Variants in PPP2R2B observed in about 807,000 individuals in gnomAD.
PPP2R2B encodes serine/threonine-protein phosphatase 2A 55 kDa regulatory subunit B beta isoform.
Under a neutral mutation model 46.0 loss-of-function variants are expected in PPP2R2B, and 5 were observed. The observed-to-expected ratio is 0.11, with a 90% CI of 0.06 to 0.23. PPP2R2B has a LOEUF of 0.23. Ranked by LOEUF, PPP2R2B falls within the 10% of genes least tolerant of loss-of-function variation. The probability of loss-of-function intolerance (pLI) is 1.00; values close to 1 mark genes in which losing one functional copy is unlikely to be tolerated. For missense variants in PPP2R2B, 367 were observed against 575.0 expected (o/e 0.64, Z 3.70); for synonymous variants, 215 against 206.7 (o/e 1.04, Z -0.34).
At chr5:146,747,937 C>A (rs944928022) in intron 2 of PPP2R2B, among the ~76,000 whole-genome samples, 1 of 152,020 alleles carries the variant, frequency 6.6e-6, no homozygotes, top group African/African-American at 2.4e-5. Flanking sequence ...ACTTGGGGAA[C>A]CTCTGTTCTA....
At chr5:146,690,320 A>G (rs932940648) in intron 5 of PPP2R2B, among the ~76,000 whole-genome samples, 3 of 152,224 alleles carry the variant, frequency 2.0e-5, no homozygotes, top group African/African-American at 7.2e-5. Context: ...GATCGCTTTG[A>G]GAAATCCGTT....
At chr5:146,984,367 T>C (rs1337695726) in intron 1 of PPP2R2B, among the ~76,000 whole-genome samples, 1 of 152,214 alleles carries the variant, frequency 6.6e-6, no homozygotes, top group African/African-American at 2.4e-5. Context: ...CTTATTTGAC[T>C]TAGCATAATG....
chr5:146,872,045 T>C (rs987485189), intron 2 of PPP2R2B, among the ~76,000 whole-genome samples: 1 of 152,180 alleles, frequency 6.6e-6, no homozygotes, highest in African/African-American at 2.4e-5. Flanking sequence ...TCTTCTTAAA[T>C]GCAAACGCCA....
At chr5:147,049,630 C>G (rs780966860) in intron 1 of PPP2R2B, among the ~76,000 whole-genome samples, 9 of 152,124 alleles carry the variant, frequency 5.9e-5, no homozygotes, top group Non-Finnish European at 1.2e-4. Flanking sequence ...AAGGAAGCAG[C>G]AGGGAGTCTG....
intron 9 of PPP2R2B, among the ~76,000 whole-genome samples, chr5:146,591,640 G>C (rs1304633661): frequency 7.6e-6 from 1 of 131,736 alleles, no homozygotes; most frequent in Non-Finnish European, 1.6e-5. Context: ...ACCATGACCC[G>C]ACTTATTTTT....
intron 5 of PPP2R2B, among the ~76,000 whole-genome samples, chr5:146,687,602 C>A (rs1209912217): frequency 6.6e-6 from 1 of 152,118 alleles, no homozygotes. Context: ...AGAAATGGTA[C>A]AACTGTAAGG....
chr5:146,954,003 T>C (rs1423772700), intron 1 of PPP2R2B, among the ~76,000 whole-genome samples: 1 of 152,176 alleles, frequency 6.6e-6, no homozygotes, highest in African/African-American at 2.4e-5. Context: ...TATCTACCAA[T>C]TGGTATCTGT....
At chr5:146,744,463 A>G (rs1311798213) in intron 2 of PPP2R2B, among the ~76,000 whole-genome samples, 1 of 152,202 alleles carries the variant, frequency 6.6e-6, no homozygotes, top group Non-Finnish European at 1.5e-5. Flanking sequence ...TCCAGTGACA[A>G]CACACAGGCT....
intron 1 of PPP2R2B, among the ~76,000 whole-genome samples, chr5:146,981,757 CT>C (rs1753189469): frequency 6.6e-6 from 1 of 152,200 alleles, no homozygotes; most frequent in Non-Finnish European, 1.5e-5. Flanking sequence ...AAACCCCCTC[CT>C]TAAGCCTTGG....
intron 1 of PPP2R2B, among the ~76,000 whole-genome samples, chr5:146,970,832 T>C (rs1054335389): frequency 3.9e-5 from 6 of 152,128 alleles, no homozygotes; most frequent in African/African-American, 9.7e-5. Flanking sequence ...CTAACATTCT[T>C]TTCTAATCAT....
At position 146,584,312 on chromosome 5, in the gene PPP2R2B, A is replaced by G. The variant is rs1447891308; in HGVS notation, c.*5635T>C. 1 of 152,206 alleles carries G rather than the reference A, an allele frequency of 6.6e-6. No individual in the cohort carries two copies. The highest frequency in any genetic ancestry group is 1.5e-5 in the Non-Finnish European group (1 of 68,030). The allele number at this position is 152,206 out of a possible 1,614,324, so 9.4% of individuals were successfully genotyped here. A position where few individuals can be genotyped will look rare whatever the true frequency, so the allele number is the denominator to read the frequency against. On this transcript the variant is annotated 3_prime_UTR_variant, in exon 10 of 10. Transcript: ENST00000394411. ...ACAGTTAATCAGTCATAATAAGGTC[A>G]AAGTCAGAAGTTGGAGACCTGTGAG...
chr5:146,719,810 TAAAAAGTATAAAG>T (rs1780697116), intron 2 of PPP2R2B, among the ~76,000 whole-genome samples: 1 of 151,868 alleles, frequency 6.6e-6, no homozygotes. Flanking sequence ...TTCTATCATC[TAAAAAGTATAAAG>T]TTTCATTTTA....
Position 147,032,821 on chromosome 5 carries a change from G to A in PPP2R2B, c.79+22844C>T, listed in dbSNP as rs186144271. ...GTAAATTGTGCTGCTATAAACGTGC[G>A]TGTGCAAGTATCTTTTTCGAATAAT... is the stretch of plus-strand genomic sequence containing the variant. On this transcript the variant is annotated intron_variant, in intron 1 of 8. Coordinates refer to the PPP2R2B transcript ENST00000336640. Among the ~76,000 whole-genome samples, 180 of 152,268 alleles carry A rather than the reference G, an allele frequency of 1.2e-3. 1 individual carries two copies. Among genetic ancestry groups the A allele is most frequent in the Non-Finnish European group, 4.0e-4 (27 of 68,016 alleles).
chr5:146,810,484 A>G (rs1390464165), intron 2 of PPP2R2B, among the ~76,000 whole-genome samples: 2 of 152,204 alleles, frequency 1.3e-5, no homozygotes, highest in Non-Finnish European at 2.9e-5. Flanking sequence ...TGGGAGCTAC[A>G]ATTCAAGATG....
chr5:146,749,232 C>T (rs1373703213), intron 2 of PPP2R2B, among the ~76,000 whole-genome samples: 1 of 152,096 alleles, frequency 6.6e-6, no homozygotes, highest in Non-Finnish European at 1.5e-5. Context: ...GTCTTTTGCC[C>T]ATTTTCTAAT....
intron 2 of PPP2R2B, among the ~76,000 whole-genome samples, chr5:146,783,238 C>T (rs916162733): frequency 9.9e-5 from 15 of 152,042 alleles, no homozygotes; most frequent in African/African-American, 3.6e-4. Context: ...TAGTCTCATC[C>T]CCAGGTTTAA....
At chr5:147,010,205 A>G (rs1219346472) in intron 1 of PPP2R2B, among the ~76,000 whole-genome samples, 1 of 152,200 alleles carries the variant, frequency 6.6e-6, no homozygotes, top group East Asian at 1.9e-4. Context: ...GTTGTTACTG[A>G]GTACATGAAC....
In PPP2R2B at chr5:146,588,076, A is replaced by G. The variant is rs1770258787; in HGVS notation, c.*1871T>C. ...TGACTCTCTCATGTCTCCTCCAAGA[A>G]CACTGTCCCAGTCAGGACAGAAATC... On this transcript the variant is annotated 3_prime_UTR_variant, in exon 10 of 10. Coordinates refer to ENST00000394411, the MANE Select transcript of PPP2R2B (RefSeq NM_181675.4). 6.7e-6 allele frequency: 1 copy of G among 149,658 alleles called. No homozygotes were observed. The highest frequency in any genetic ancestry group is 6.7e-5 in the Admixed American group (1 of 14,842). The allele number at this position is 149,658 out of a possible 1,614,324, so 9.3% of individuals were successfully genotyped here. A position where few individuals can be genotyped will look rare whatever the true frequency, so the allele number is the denominator to read the frequency against.
intron 7 of PPP2R2B, among the ~76,000 whole-genome samples, chr5:146,626,139 C>A (rs200639066): frequency 0.046 from 6,993 of 152,158 alleles, 367 homozygotes; most frequent in East Asian, 0.23. Context: ...TAAGCCACTA[C>A]ATTTGTGAGA....
Sources: allele counts gnomAD v4.1 joint callset (sites outside exome capture counted in the v4.1 genomes callset), GRCh38; gene constraint gnomAD v4.1.1; transcripts MANE v1.5; gene names NCBI Gene and HGNC (gene_info 2026-07-23, HGNC 2026-07-21).